The following C2orf42 variants were observed in gnomAD, a reference collection of about 807,000 sequenced individuals.
C2orf42 encodes uncharacterized protein C2orf42.
Under a neutral mutation model 58.9 loss-of-function variants are expected in C2orf42, and 44 were observed. That is an observed-to-expected ratio of 0.75 (90% CI 0.59 to 0.96). C2orf42 has a LOEUF of 0.96. C2orf42 is among the 40% of genes least tolerant of loss of function. The pLI is 0.00. For missense variants in C2orf42, 630 were observed against 699.2 expected (o/e 0.90, Z 1.12); for synonymous variants, 239 against 265.4 (o/e 0.90, Z 0.97).
chr2:70,188,309 T>C (rs1675091479), intron 1 of C2orf42, among the ~76,000 whole-genome samples: 1 of 152,056 alleles, frequency 6.6e-6, no homozygotes, highest in Non-Finnish European at 1.5e-5. Context: ...TGCCTCAGCC[T>C]CCTGAGTAGC....
chr2:70,165,104 TA>T lies in C2orf42; in HGVS notation c.1340del (p.Leu447Ter). ...ITNILQVKQI[L>X]DTPEMPLEIT... ...AATAAACTCTCACCTCTGGGGTATCTAAGATTTGTTTAACTTGCAGGATATT... is the reference window on the plus strand; with the variant it reads ...AATAAACTCTCACCTCTGGGGTATCTAGATTTGTTTAACTTGCAGGATATT... On this transcript the variant is annotated frameshift_variant, in exon 8 of 10. Transcript: ENST00000264434. LOFTEE classifies it high-confidence loss of function. 1 of 1,585,784 alleles carries T rather than the reference TA, an allele frequency of 6.3e-7. No homozygotes were observed. Among genetic ancestry groups the T allele is most frequent in the South Asian group, 1.1e-5 (1 of 89,044 alleles).
At chr2:70,156,345 G>A (rs1672675751) in intron 9 of C2orf42, among the ~76,000 whole-genome samples, 1 of 152,052 alleles carries the variant, frequency 6.6e-6, no homozygotes, top group South Asian at 2.1e-4. Flanking sequence ...TCTAAGTTGG[G>A]CCTGGTGGTG....
chr2:70,186,654 G>A (rs1010421259), intron 1 of C2orf42, among the ~76,000 whole-genome samples: 6 of 152,128 alleles, frequency 3.9e-5, no homozygotes, highest in South Asian at 2.1e-4. Context: ...ACATGCACAC[G>A]TATGTTTATT....
At chr2:70,153,855 C>T (rs1336521615) in intron 9 of C2orf42, among the ~76,000 whole-genome samples, 5 of 150,008 alleles carry the variant, frequency 3.3e-5, no homozygotes, top group Non-Finnish European at 5.9e-5. Flanking sequence ...GTCAGGAGTT[C>T]GAGACCAGCC....
At chr2:70,179,716 A>G in intron 3 of C2orf42, 74 bp from the exon 4 acceptor site, 1 of 551,464 alleles carries the variant, frequency 1.8e-6, no homozygotes, top group East Asian at 2.9e-5. Flanking sequence ...TATGTAGCGA[A>G]AAGTTAATTT....
intron 9 of C2orf42, among the ~76,000 whole-genome samples, chr2:70,158,193 G>A (rs1321645823): frequency 1.4e-5 from 2 of 147,600 alleles, no homozygotes; most frequent in African/African-American, 2.5e-5. Context: ...AGTGAGACTC[G>A]GTCTCAAAAA....
chr2:70,171,131 C>A (rs1673788025), intron 5 of C2orf42, among the ~76,000 whole-genome samples: 1 of 149,594 alleles, frequency 6.7e-6, no homozygotes, highest in African/African-American at 2.5e-5. Context: ...AAAAAATTAA[C>A]CTGGCATGGT....
chr2:70,189,976 T>A (rs953986728), intron 1 of C2orf42, among the ~76,000 whole-genome samples: 1 of 151,330 alleles, frequency 6.6e-6, no homozygotes, highest in Admixed American at 6.6e-5. Flanking sequence ...CACATATGTA[T>A]CTATCTAGAC....
intron 4 of C2orf42, among the ~76,000 whole-genome samples, 172 bp downstream of exon 4, chr2:70,179,360 G>A (rs1460008761): frequency 6.6e-6 from 1 of 151,646 alleles, no homozygotes; most frequent in African/African-American, 2.4e-5. Flanking sequence ...CTTAAGGCCT[G>A]GAGTTCGAGG....
At chr2:70,157,667 T>C (rs1672768268) in intron 9 of C2orf42, among the ~76,000 whole-genome samples, 2 of 150,186 alleles carry the variant, frequency 1.3e-5, no homozygotes, top group East Asian at 2.0e-4. Context: ...TGTGGTGGCA[T>C]ACGCCTGTAA....
At chr2:70,180,528 A>T (rs1674484094) in intron 3 of C2orf42, among the ~76,000 whole-genome samples, 1 of 147,586 alleles carries the variant, frequency 6.8e-6, no homozygotes, top group Non-Finnish European at 1.5e-5. Context: ...GGATTCCTTG[A>T]ACCCAGGAGG....
In C2orf42 at chr2:70,179,519, A is replaced by C. The variant is rs1171034985; in HGVS notation, c.934+13T>G. The C allele has an allele frequency of 8.8e-7, 1 of 1,139,792 alleles. No individual in the cohort carries two copies. The highest frequency in any genetic ancestry group is 1.7e-5 in the Admixed American group (1 of 57,328). The allele number at this position is 1,139,792 out of a possible 1,614,324, so 70.6% of individuals were successfully genotyped here. On this transcript the variant is annotated intron_variant, in intron 4 of 9. Transcript: ENST00000264434. ...AAAGACAATACCACCAAACCAACCAACCAGACTCTTACCAGATACTTCATC... is the reference window on the plus strand; with the variant it reads ...AAAGACAATACCACCAAACCAACCACCCAGACTCTTACCAGATACTTCATC...
intron 9 of C2orf42, among the ~76,000 whole-genome samples, chr2:70,154,445 A>AAAAAAAAAAAAAAAAAC (rs1672519906): frequency 7.2e-6 from 1 of 137,952 alleles, no homozygotes; most frequent in African/African-American, 2.8e-5. Context: ...AAAAAAAAAA[A>AAAAAAAAAAAAAAAAAC]TCTGACATGG....
At chr2:70,169,247 CCACACACACACACA>C (rs35414580) in intron 6 of C2orf42, among the ~76,000 whole-genome samples, 3 of 141,046 alleles carry the variant, frequency 2.1e-5, no homozygotes, top group African/African-American at 7.6e-5. Flanking sequence ...ATCTCCCTCA[CCACACACACACACA>C]CACACACACA....
chr2:70,169,684 TACAC>T (rs1294240290), intron 5 of C2orf42, 23 bp from the exon 6 acceptor site: 1 of 1,064,744 alleles, frequency 9.4e-7, no homozygotes, highest in Non-Finnish European at 1.5e-6. Flanking sequence ...AAACCACACA[TACAC>T]ACTTCTTTAG....
chr2:70,165,496 A>G, intron 7 of C2orf42, 32 bp downstream of exon 7: 1 of 1,138,858 alleles, frequency 8.8e-7, no homozygotes, highest in Non-Finnish European at 1.3e-6. Context: ...TGTTCGAGAC[A>G]TCCATCACTA....
chr2:70,185,897 CTTTG>C (rs1390086501), intron 1 of C2orf42, among the ~76,000 whole-genome samples: 4 of 148,512 alleles, frequency 2.7e-5, no homozygotes, highest in Non-Finnish European at 5.9e-5. Flanking sequence ...CTGGATAATT[CTTTG>C]TTGTGGGGGC....
chr2:70,170,412 T>G (rs1325795703), intron 5 of C2orf42, among the ~76,000 whole-genome samples: 1 of 151,808 alleles, frequency 6.6e-6, no homozygotes, highest in Non-Finnish European at 1.5e-5. Flanking sequence ...GCCCAGCCAA[T>G]TTTGTTTTCT....
chr2:70,150,846 A>C (rs1438155649), intron 9 of C2orf42, among the ~76,000 whole-genome samples: 1 of 152,152 alleles, frequency 6.6e-6, no homozygotes, highest in Non-Finnish European at 1.5e-5. Flanking sequence ...CCCGGGTTCA[A>C]GCGATTCTCC....
Sources: allele counts gnomAD v4.1 joint callset (sites outside exome capture counted in the v4.1 genomes callset), GRCh38; gene constraint gnomAD v4.1.1; transcripts MANE v1.5; gene names NCBI Gene and HGNC (gene_info 2026-07-23, HGNC 2026-07-21).